CES5A: variants seen among roughly 807,000 people sequenced by gnomAD.
The protein encoded by CES5A is carboxylesterase 5A.
Under a neutral mutation model 62.9 loss-of-function variants are expected in CES5A, and 67 were observed. The ratio of observed to expected loss-of-function variants is 1.07; its 90% CI spans 0.88 to 1.31. The LOEUF is 1.31. Ranked by LOEUF, CES5A falls within the 50% of genes most tolerant of loss-of-function variation. The probability of loss-of-function intolerance (pLI) is 0.00; values close to 1 mark genes in which losing one functional copy is unlikely to be tolerated. For missense variants in CES5A, 748 were observed against 708.5 expected (o/e 1.06, Z -0.63); for synonymous variants, 296 against 280.8 (o/e 1.05, Z -0.54).
intron 2 of CES5A, among the ~76,000 whole-genome samples, chr16:55,939,754 T>C (rs1487664178): frequency 6.6e-6 from 1 of 151,312 alleles, no homozygotes; most frequent in East Asian, 1.9e-4. Flanking sequence ...TCCACCAAGA[T>C]AGAGCATGAT....
chr16:55,940,823 T>C (rs189489460), intron 2 of CES5A, among the ~76,000 whole-genome samples: 5 of 152,002 alleles, frequency 3.3e-5, no homozygotes, highest in Admixed American at 3.3e-4. Context: ...GTGGAATTTA[T>C]AGCAGGAATA....
chr16:55,906,251 A>C (rs1031789645), intron 1 of CES5A, among the ~76,000 whole-genome samples: 1 of 152,254 alleles, frequency 6.6e-6, no homozygotes, highest in Non-Finnish European at 1.5e-5. Flanking sequence ...TTTCCTGGTG[A>C]GAGCATTTGA....
intron 10 of CES5A, 119 bp downstream of exon 10, chr16:55,852,762 A>G (rs2033157153): frequency 1.8e-6 from 2 of 1,134,906 alleles, no homozygotes; most frequent in East Asian, 5.0e-5. Context: ...ACACCTGGAA[A>G]TGCACTTTCC....
At chr16:55,878,801 C>A (rs1215998422), upstream of CES5A, among the ~76,000 whole-genome samples, 1 of 147,638 alleles carries the variant, frequency 6.8e-6, no homozygotes. Context: ...CATCGCTGTA[C>A]CCTACCACTG....
chr16:55,935,278 T>C (rs1325794373), intron 2 of CES5A, among the ~76,000 whole-genome samples: 1 of 152,160 alleles, frequency 6.6e-6, no homozygotes, highest in Admixed American at 6.5e-5. Context: ...AAAGGTGGAA[T>C]AAAAAAAGAT....
intron 9 of CES5A, among the ~76,000 whole-genome samples, chr16:55,855,261 T>C (rs558380772): frequency 2.6e-5 from 4 of 152,236 alleles, no homozygotes; most frequent in African/African-American, 9.6e-5. Context: ...GTGAACAAAA[T>C]GAACATCGGC....
chr16:55,869,841 T>C (rs2033547087), intron 3 of CES5A, 97 bp from the exon 4 acceptor site: 4 of 1,452,302 alleles, frequency 2.8e-6, no homozygotes, highest in East Asian at 2.5e-5. Flanking sequence ...AATATAAATG[T>C]CCCACTTGCT....
chr16:55,905,678 G>A (rs538237714), intron 1 of CES5A, among the ~76,000 whole-genome samples: 7 of 152,002 alleles, frequency 4.6e-5, no homozygotes, highest in Non-Finnish European at 8.8e-5. Context: ...GATTTTTAAC[G>A]TGACTCTTCC....
intron 1 of CES5A, among the ~76,000 whole-genome samples, chr16:55,917,749 A>C (rs1186784629): frequency 2.0e-5 from 3 of 152,156 alleles, no homozygotes; most frequent in African/African-American, 7.2e-5. Flanking sequence ...AATCCAGCCC[A>C]CACTCAAGGA....
At chr16:55,886,609 C>G (rs1400269479) in intron 1 of CES5A, among the ~76,000 whole-genome samples, 1 of 152,146 alleles carries the variant, frequency 6.6e-6, no homozygotes, top group East Asian at 1.9e-4. Context: ...CACTGGCCAG[C>G]AGCAGAAACT....
intron 2 of CES5A, among the ~76,000 whole-genome samples, chr16:55,939,122 G>A (rs1285311429): frequency 6.6e-6 from 1 of 151,976 alleles, no homozygotes; most frequent in Non-Finnish European, 1.5e-5. Flanking sequence ...TTCTCAAGCT[G>A]TAACAAGATT....
At chr16:55,939,971 G>A (rs1281320693) in intron 2 of CES5A, among the ~76,000 whole-genome samples, 1 of 151,658 alleles carries the variant, frequency 6.6e-6, no homozygotes, top group Non-Finnish European at 1.5e-5. Flanking sequence ...TATTTGAACT[G>A]AATGAAAATA....
chr16:55,889,587 T>A (rs2033853154), intron 1 of CES5A, among the ~76,000 whole-genome samples: 1 of 151,870 alleles, frequency 6.6e-6, no homozygotes, highest in Non-Finnish European at 1.5e-5. Context: ...CCCTCTCTGG[T>A]AGGCCACCTG....
chr16:55,875,234 C>T lies in CES5A; in HGVS notation c.-13G>A. 6.2e-7 allele frequency: 1 copy of T among 1,612,610 alleles called. No individual in the cohort carries two copies. On this transcript the variant is annotated 5_prime_UTR_variant, in exon 1 of 13. Transcript: ENST00000290567. ...AATTCCCACTCATTTGGCTGCCTGCCTGCACTCTGTGAACATTGACGGCGG... is the reference window on the plus strand; with the variant it reads ...AATTCCCACTCATTTGGCTGCCTGCTTGCACTCTGTGAACATTGACGGCGG...
chr16:55,950,938 T>G (rs1156663272), intron 1 of CES5A, among the ~76,000 whole-genome samples: 1 of 151,342 alleles, frequency 6.6e-6, no homozygotes, highest in Non-Finnish European at 1.5e-5. Context: ...CCATCTCTAC[T>G]AAAAATACAA....
intron 1 of CES5A, among the ~76,000 whole-genome samples, chr16:55,890,283 A>G (rs942712442): frequency 2.6e-5 from 4 of 152,214 alleles, no homozygotes; most frequent in Non-Finnish European, 5.9e-5. Context: ...CCCAGTTAAG[A>G]AAAAGAAAAT....
intron 3 of CES5A, 123 bp from the exon 4 acceptor site, chr16:55,869,867 T>C: frequency 7.3e-7 from 1 of 1,361,490 alleles, no homozygotes. Context: ...GGGTGCGAGG[T>C]TTTGTCATTT....
chr16:55,853,307 C>T (rs1210818436), intron 9 of CES5A, among the ~76,000 whole-genome samples: 2 of 152,238 alleles, frequency 1.3e-5, no homozygotes, highest in Non-Finnish European at 2.9e-5. Flanking sequence ...AGGCTTCTCT[C>T]TCATGTCTCA....
chr16:55,866,824 T>G (rs1452049890), intron 4 of CES5A, among the ~76,000 whole-genome samples: 1 of 151,064 alleles, frequency 6.6e-6, no homozygotes, highest in African/African-American at 2.4e-5. Context: ...GGCAATAGAG[T>G]GAGGCTCTGT....
Sources: gnomAD v4.1 joint callset for allele counts (sites outside exome capture counted in the v4.1 genomes callset) on GRCh38, gnomAD v4.1.1 for gene constraint, MANE v1.5 for transcripts, NCBI Gene and HGNC (gene_info 2026-07-23, HGNC 2026-07-21) for gene names.